Variants in TMEM269 observed in about 807,000 individuals in gnomAD.
TMEM269 encodes the protein transmembrane protein 269.
TMEM269 carries 12 observed loss-of-function variants against 15.8 expected under a neutral mutation model. The observed-to-expected ratio is 0.76, with a 90% CI of 0.49 to 1.23. The LOEUF (loss-of-function observed/expected upper bound fraction) is 1.23. Among genes scored for constraint, TMEM269 ranks in the 50% most tolerant of loss-of-function variants. The probability of loss-of-function intolerance (pLI) is 0.00; values close to 1 mark genes in which losing one functional copy is unlikely to be tolerated. For missense variants in TMEM269, 211 were observed against 245.4 expected (o/e 0.86, Z 0.94); for synonymous variants, 93 against 99.3 (o/e 0.94, Z 0.38).
chr1:42,786,940 C>A (rs926751190), intron 1 of TMEM269, among the ~76,000 whole-genome samples: 2 of 152,194 alleles, frequency 1.3e-5, no homozygotes, highest in Non-Finnish European at 2.9e-5. Context: ...AGACTCAAAT[C>A]AAATCCTGGC....
intron 5 of TMEM269, chr1:42,796,603 C>T (rs191187574): frequency 6.6e-6 from 1 of 150,752 alleles, no homozygotes; most frequent in Non-Finnish European, 1.5e-5. Flanking sequence ...AGGGGTCTCA[C>T]TCTTTTGTCC....
chr1:42,793,800 G>T, intron 4 of TMEM269, 56 bp downstream of exon 4: 1 of 1,506,366 alleles, frequency 6.6e-7, no homozygotes, highest in Non-Finnish European at 8.9e-7. Context: ...AGAACGGGGG[G>T]CTGTCGGGTG....
In TMEM269 at chr1:42,798,397, T is replaced by G. The variant is rs1388833596; in HGVS notation, c.*172T>G. On this transcript the variant is annotated 3_prime_UTR_variant, in exon 6 of 6. Transcript: ENST00000637012. ...CAAAGCAGGGTCAGTGAACTTCACT[T>G]CTTTGTCTTTATTCAGGGTTCTGAC... 2.6e-6 allele frequency: 2 copies of G among 775,820 alleles called. No individual in the cohort carries two copies. Among genetic ancestry groups the G allele is most frequent in the African/African-American group, 3.5e-5 (2 of 57,116 alleles). 48.1% of individuals were successfully genotyped at this position (775,820 alleles called of 1,614,324 possible).
intron 1 of TMEM269, among the ~76,000 whole-genome samples, chr1:42,785,463 C>T (rs1653524087): frequency 6.6e-6 from 1 of 152,234 alleles, no homozygotes; most frequent in African/African-American, 2.4e-5. Context: ...TCCTCTGCAG[C>T]ACCACTGCCA....
intron 2 of TMEM269, among the ~76,000 whole-genome samples, 169 bp downstream of exon 2, chr1:42,790,103 C>G (rs1178281285): frequency 6.6e-6 from 1 of 152,150 alleles, no homozygotes; most frequent in Admixed American, 6.6e-5. Context: ...CTCAACGGTA[C>G]CAGTTCATTC....
intron 1 of TMEM269, among the ~76,000 whole-genome samples, chr1:42,785,931 C>T (rs1019372798): frequency 6.6e-6 from 1 of 152,254 alleles, no homozygotes; most frequent in African/African-American, 2.4e-5. Flanking sequence ...GCCTCCTCTA[C>T]CAGACTCTGA....
chr1:42,793,305 G>GA (rs1003938026), intron 3 of TMEM269, among the ~76,000 whole-genome samples: 1 of 152,198 alleles, frequency 6.6e-6, no homozygotes, highest in African/African-American at 2.4e-5. Flanking sequence ...GATTTAGCGT[G>GA]AAAAAAGTCC....
At chr1:42,796,995 C>T (rs1421177230) in intron 5 of TMEM269, among the ~76,000 whole-genome samples, 1 of 151,926 alleles carries the variant, frequency 6.6e-6, no homozygotes, top group Non-Finnish European at 1.5e-5. Flanking sequence ...GAATCAGGAC[C>T]TCGTACAGGT....
At chr1:42,787,272 G>C (rs1653559164) in intron 1 of TMEM269, among the ~76,000 whole-genome samples, 1 of 152,210 alleles carries the variant, frequency 6.6e-6, no homozygotes, top group African/African-American at 2.4e-5. Flanking sequence ...TCCCATCTCT[G>C]AGTCTTCCTT....
At chr1:42,793,505 C>T in intron 3 of TMEM269, 96 bp from the exon 4 acceptor site, 1 of 1,263,290 alleles carries the variant, frequency 7.9e-7, no homozygotes, top group East Asian at 2.6e-5. Flanking sequence ...GACCTCAGGA[C>T]CCCTCTTATC....
chr1:42,795,501 T>A (rs1653775549), intron 5 of TMEM269, among the ~76,000 whole-genome samples: 1 of 152,192 alleles, frequency 6.6e-6, no homozygotes, highest in Admixed American at 6.5e-5. Flanking sequence ...AACAAACTTT[T>A]TGTTCAGATG....
chr1:42,786,765 T>A (rs1240005251), intron 1 of TMEM269, among the ~76,000 whole-genome samples: 1 of 152,224 alleles, frequency 6.6e-6, no homozygotes, highest in Non-Finnish European at 1.5e-5. Flanking sequence ...CTTCTCTGTG[T>A]CCCAAGCACC....
At chr1:42,791,490 C>T (rs948004670) in intron 2 of TMEM269, among the ~76,000 whole-genome samples, 6 of 151,946 alleles carry the variant, frequency 3.9e-5, no homozygotes, top group East Asian at 3.8e-4. Flanking sequence ...AGAAGTCTCA[C>T]GAAACATTGA....
intron 1 of TMEM269, among the ~76,000 whole-genome samples, chr1:42,787,594 G>A (rs1318293827): frequency 4.7e-5 from 5 of 106,214 alleles, no homozygotes; most frequent in African/African-American, 1.5e-4. Context: ...GCGACAGAGC[G>A]AGACTCCGTC....
intron 2 of TMEM269, 136 bp from the exon 3 acceptor site, chr1:42,792,669 G>A (rs1415538165): frequency 3.0e-6 from 2 of 657,062 alleles, no homozygotes; most frequent in East Asian, 5.4e-5. Flanking sequence ...ATGAAGAGGT[G>A]TGTATGTGTG....
At chr1:42,792,964 T>G in intron 3 of TMEM269, 62 bp downstream of exon 3, 1 of 1,315,480 alleles carries the variant, frequency 7.6e-7, no homozygotes, top group African/African-American at 1.5e-5. Context: ...GGGTCACCCC[T>G]TCGTCCATCC....
rs1364666182 is a variant in TMEM269 at position 42,798,088 on chromosome 1, G to C, written c.485-10G>C. 22 of 1,550,854 alleles carry C rather than the reference G, an allele frequency of 1.4e-5. No homozygotes were observed. In the Admixed American group the frequency reaches 4.3e-4, roughly 30 times the overall value. On this transcript the variant is annotated splice_polypyrimidine_tract_variant and intron_variant, in intron 5 of 5. Coordinates refer to ENST00000637012, the MANE Select transcript of TMEM269 (RefSeq NM_001354602.2). ...TAGAAATTGAGTGTCTGCACTTTTT[G>C]TTCTTCCAGGTGTCATCATGCTGTT... is the stretch of plus-strand genomic sequence containing the variant.
chr1:42,791,498 T>G (rs1000004504), intron 2 of TMEM269, among the ~76,000 whole-genome samples: 8 of 152,138 alleles, frequency 5.3e-5, no homozygotes, highest in Non-Finnish European at 8.8e-5. Flanking sequence ...CACGAAACAT[T>G]GAAAATGTTT....
rs574866549 is a variant in TMEM269, at chr1:42,787,323, G to A, written c.-99+2241G>A. 5.4e-4 allele frequency among the ~76,000 whole-genome samples: 83 copies of A among 152,304 alleles called. 1 individual carries two copies. The highest frequency in any genetic ancestry group is 3.4e-3 in the Middle Eastern group (1 of 294). ...TAGGGACAAGAACCCTTGCCTGGCC[G>A]GGCGCGGTGGCTCACGCCTGTAATC... On this transcript the variant is annotated intron_variant, in intron 1 of 5. Transcript: ENST00000637012.
Sources: gnomAD v4.1 joint callset for allele counts (sites outside exome capture counted in the v4.1 genomes callset) on GRCh38, gnomAD v4.1.1 for gene constraint, MANE v1.5 for transcripts, NCBI Gene and HGNC (gene_info 2026-07-23, HGNC 2026-07-21) for gene names.